ATP2C2: variants seen among roughly 807,000 people sequenced by gnomAD.
ATP2C2 encodes the protein ATPase secretory pathway Ca2+ transporting 2, also known as calcium-transporting ATPase type 2C member 2.
In ATP2C2, 171 loss-of-function variants were observed where a neutral mutation model predicts 110.8. The ratio of observed to expected loss-of-function variants is 1.54; its 90% CI spans 1.36 to 1.75. The LOEUF is 1.75. Ranked by LOEUF, ATP2C2 falls within the 40% of genes most tolerant of loss-of-function variation. The pLI is 0.00. For synonymous variants in ATP2C2, 804 were observed against 508.4 expected (o/e 1.58, Z -7.82); for missense variants, 1,963 against 1,235.0 (o/e 1.59, Z -8.84).
At chr16:84,437,084 A>G (rs187871960) in intron 11 of ATP2C2, among the ~76,000 whole-genome samples, 3 of 152,192 alleles carry the variant, frequency 2.0e-5, no homozygotes, top group East Asian at 3.9e-4. Context: ...AAACAGCTTT[A>G]TTGAGATATA....
At chr16:84,428,454 G>A (rs1262297506) in intron 11 of ATP2C2, among the ~76,000 whole-genome samples, 1 of 152,196 alleles carries the variant, frequency 6.6e-6, no homozygotes, top group Non-Finnish European at 1.5e-5. Flanking sequence ...TTGAGTTAAT[G>A]GGAATTGGAA....
intron 1 of ATP2C2, among the ~76,000 whole-genome samples, chr16:84,386,650 C>T (rs1307660557): frequency 2.0e-5 from 3 of 152,202 alleles, no homozygotes; most frequent in Non-Finnish European, 4.4e-5. Context: ...ACAGGTACTA[C>T]CTAGAAAGGA....
At chr16:84,395,973 A>G (rs1187083697) in intron 1 of ATP2C2, among the ~76,000 whole-genome samples, 5 of 152,082 alleles carry the variant, frequency 3.3e-5, no homozygotes, top group African/African-American at 1.2e-4. Context: ...GTAGTCATTA[A>G]ACACTAACTC....
chr16:84,390,044 C>T (rs1313672599), intron 1 of ATP2C2, among the ~76,000 whole-genome samples: 3 of 152,212 alleles, frequency 2.0e-5, no homozygotes, highest in East Asian at 1.9e-4. Flanking sequence ...TATCCCACGG[C>T]AGCCCTGTGG....
intron 3 of ATP2C2, among the ~76,000 whole-genome samples, chr16:84,405,475 A>G (rs1371332276): frequency 6.6e-6 from 1 of 152,144 alleles, no homozygotes; most frequent in Non-Finnish European, 1.5e-5. Flanking sequence ...CCCGGGCCCC[A>G]CGCTATATGA....
intron 9 of ATP2C2, 89 bp from the exon 10 acceptor site, chr16:84,423,099 C>T (rs185063): frequency 0.61 from 681,362 of 1,123,782 alleles, 208,638 homozygotes; most frequent in Middle Eastern, 0.68. Context: ...ATCACTGAAG[C>T]TGTAGGATGG....
At chr16:84,383,509 G>C (rs951970617) in intron 1 of ATP2C2, among the ~76,000 whole-genome samples, 98 of 152,276 alleles carry the variant, frequency 6.4e-4, no homozygotes, top group African/African-American at 2.0e-3. Context: ...TTTCTTCCCA[G>C]CCATACCGTT....
intron 21 of ATP2C2, among the ~76,000 whole-genome samples, chr16:84,456,308 C>T (rs1239601494): frequency 2.6e-5 from 4 of 151,608 alleles, no homozygotes; most frequent in Non-Finnish European, 5.9e-5. Context: ...ATTTCAGAGC[C>T]TGTTATTGGT....
At chr16:84,452,211 A>C in intron 18 of ATP2C2, 120 bp downstream of exon 18, 1 of 1,240,604 alleles carries the variant, frequency 8.1e-7, no homozygotes. Context: ...CTAGCCCTAC[A>C]GGCTTAGAAA....
In ATP2C2 at chr16:84,426,250, G is replaced by T. The variant is rs144354049; in HGVS notation, c.986+449G>T. Among the ~76,000 whole-genome samples the T allele has an allele frequency of 4.7e-3, 718 of 152,130 alleles. 7 individuals are homozygous for T. Among genetic ancestry groups the T allele is most frequent in the African/African-American group, 0.016 (678 of 41,480 alleles). Reference sequence around the variant, plus strand: ...AGCAGGGGCAGGAGAGGGAGGAAGGGGAGATGCCACATGCTTTGAAACAAT... The same window carrying T: ...AGCAGGGGCAGGAGAGGGAGGAAGGTGAGATGCCACATGCTTTGAAACAAT... On this transcript the variant is annotated intron_variant, in intron 11 of 26. Coordinates refer to ENST00000262429, the MANE Select transcript of ATP2C2 (RefSeq NM_014861.4).
At chr16:84,424,576 C>CTT (rs371614449) in intron 10 of ATP2C2, among the ~76,000 whole-genome samples, 1,181 of 114,740 alleles carry the variant, frequency 0.01, 22 homozygotes, top group East Asian at 0.053. Context: ...CCGCACTGGG[C>CTT]TTTTTTTTTT....
At chr16:84,382,494 G>C (rs1030913868) in intron 1 of ATP2C2, among the ~76,000 whole-genome samples, 1 of 152,188 alleles carries the variant, frequency 6.6e-6, no homozygotes, top group Admixed American at 6.5e-5. Flanking sequence ...CCATCTCTCA[G>C]GGTCAGTCCT....
At position 84,451,943 on chromosome 16, in the gene ATP2C2, C is replaced by T. The variant is rs369501191; in HGVS notation, c.1683C>T (p.Pro561=). The T allele has an allele frequency of 9.9e-6, 16 of 1,613,900 alleles. No individual in the cohort carries two copies. Among genetic ancestry groups the T allele is most frequent in the Middle Eastern group, 1.6e-4 (1 of 6,082 alleles). Residue 561 remains proline (P), a synonymous_variant, in exon 18 of 27, where the codon CCC becomes CCT. Transcript: ENST00000262429. ...GLRVLALASG[P]ELGRLTFLGL... is the part of the protein sequence containing the mutation. ...CAGTGCTGGCCCTGGCTTCTGGGCC[C>T]GAGCTGGGGCGGCTGACGTTTCTCG...
rs758188902 is a variant in ATP2C2 at position 84,423,248 on chromosome 16, T to C, written c.904T>C (p.Ser302Pro). 8.1e-6 allele frequency: 13 copies of C among 1,613,874 alleles called. No homozygotes were observed. Among genetic ancestry groups the C allele is most frequent in the Non-Finnish European group, 8.5e-7 (1 of 1,179,870 alleles). Residue 302 changes from serine (S) to proline (P), a missense_variant, in exon 10 of 27, where the codon TCC (serine) becomes CCC (proline). By Grantham distance (74) the Ser-to-Pro change is moderately conservative. Transcript: ENST00000262429. ...GCTAGGAAAGCAACTGACACTCTTCTCCTTTGGCATAATCGGTGAGTGAAG... is the reference window on the plus strand; with the variant it reads ...GCTAGGAAAGCAACTGACACTCTTCCCCTTTGGCATAATCGGTGAGTGAAG... The part of the protein sequence containing the change: ...DRLGKQLTLF[S>P]FGIIGLIMLI...
At chr16:84,424,213 G>T (rs941118859) in intron 10 of ATP2C2, among the ~76,000 whole-genome samples, 1 of 152,186 alleles carries the variant, frequency 6.6e-6, no homozygotes, top group Non-Finnish European at 1.5e-5. Flanking sequence ...GTAAGCCCAT[G>T]TTTCTTAAGT....
At chr16:84,400,227 T>G (rs1446757726) in intron 2 of ATP2C2, among the ~76,000 whole-genome samples, 2 of 152,230 alleles carry the variant, frequency 1.3e-5, no homozygotes, top group Non-Finnish European at 2.9e-5. Flanking sequence ...GCGATAAACA[T>G]GGGAGTGCAG....
At chr16:84,411,596 T>A (rs1280410177) in intron 6 of ATP2C2, among the ~76,000 whole-genome samples, 1 of 152,184 alleles carries the variant, frequency 6.6e-6, no homozygotes, top group East Asian at 1.9e-4. Context: ...CATGCACCAC[T>A]ACACCTGGCT....
chr16:84,428,971 A>G (rs1054984495), intron 11 of ATP2C2, among the ~76,000 whole-genome samples: 1 of 152,090 alleles, frequency 6.6e-6, no homozygotes, highest in Non-Finnish European at 1.5e-5. Flanking sequence ...TTTTCCCTGA[A>G]TATATGCCCA....
At chr16:84,375,370 C>T (rs556425322) in intron 1 of ATP2C2, among the ~76,000 whole-genome samples, 6 of 152,166 alleles carry the variant, frequency 3.9e-5, no homozygotes, top group Admixed American at 2.0e-4. Context: ...GGTGAAACCT[C>T]GTCTCTACTA....
Sources: allele counts gnomAD v4.1 joint callset (sites outside exome capture counted in the v4.1 genomes callset), GRCh38; gene constraint gnomAD v4.1.1; transcripts MANE v1.5; gene names NCBI Gene and HGNC (gene_info 2026-07-23, HGNC 2026-07-21).